GOLGA8K: variants seen among roughly 807,000 people sequenced by gnomAD.
GOLGA8K encodes the protein golgin subfamily A member 8K.
In GOLGA8K, 12 loss-of-function variants were observed where a neutral mutation model predicts 75.2. The observed-to-expected ratio is 0.16, with a 90% CI of 0.10 to 0.26. The LOEUF (loss-of-function observed/expected upper bound fraction) is 0.26, where lower values mean the gene tolerates loss of function less well. Among genes scored for constraint, GOLGA8K ranks in the 10% least tolerant of loss-of-function variants. The pLI is 1.00. For missense variants in GOLGA8K, 109 were observed against 640.8 expected, an observed-to-expected ratio of 0.17 and a Z score of 8.96; for synonymous variants, 48 against 236.6, an observed-to-expected ratio of 0.20 and a Z score of 7.32.
chr15:32,395,028 T>A (rs1405094028), intron 13 of GOLGA8K, among the ~76,000 whole-genome samples: 1 of 149,314 alleles, frequency 6.7e-6, no homozygotes, highest in African/African-American at 2.4e-5. Context: ...ACTCTGAGCC[T>A]CTTGGCTCTT....
chr15:32,397,355 T>A (rs1346615168), intron 9 of GOLGA8K, 45 bp from the exon 10 acceptor site: 1 of 1,380,756 alleles, frequency 7.2e-7, no homozygotes, highest in Non-Finnish European at 1.0e-6. Context: ...TCACTGGTCC[T>A]CACCTGCTCC....
At position 32,397,313 on chromosome 15, in the gene GOLGA8K, G is replaced by A. The variant is rs1272494463; in HGVS notation, c.679-3C>T. ...ACTTGTTGAAAAGACTCCTTCAACT[G>A]CAAGAATGGGCACAGAACTTAGGAA... On this transcript the variant is annotated splice_polypyrimidine_tract_variant and splice_region_variant and intron_variant, in intron 9 of 18. Coordinates refer to ENST00000512626, the MANE Select transcript of GOLGA8K (RefSeq NM_001282493.2). 3 of 1,574,412 alleles carry A rather than the reference G, an allele frequency of 1.9e-6. No individual in the cohort carries two copies. Among genetic ancestry groups the A allele is most frequent in the Middle Eastern group, 1.9e-4 (1 of 5,170 alleles).
intron 13 of GOLGA8K, among the ~76,000 whole-genome samples, chr15:32,395,568 T>C (rs1434601057): frequency 6.8e-6 from 1 of 148,012 alleles, no homozygotes; most frequent in Non-Finnish European, 1.5e-5. Flanking sequence ...TTTTTGTAAT[T>C]TTAGTAGAGA....
chr15:32,398,089 C>A (rs1347933708), intron 8 of GOLGA8K, among the ~76,000 whole-genome samples: 1 of 151,946 alleles, frequency 6.6e-6, no homozygotes, highest in Admixed American at 6.6e-5. Flanking sequence ...AAGTATCTCC[C>A]AGCCATCTTG....
rs148653429 is a variant in GOLGA8K at position 32,392,871 on chromosome 15, C to T, written c.1804G>A (p.Val602Met). ...LLDKPTAQPI[V>M]QDHKEHPGLG... is the part of the protein sequence containing the mutation. ...CCTGGGTGCTCCTTGTGGTCCTGCACGATCGGCTGTGCAGTAGGCTTGTCA... is the reference window on the plus strand; with the variant it reads ...CCTGGGTGCTCCTTGTGGTCCTGCATGATCGGCTGTGCAGTAGGCTTGTCA... Residue 602 changes from valine to methionine, a missense_variant, in exon 19 of 19, where the codon GTG (valine) becomes ATG (methionine). Physicochemically the swap from Val to Met is conservative, Grantham distance 21. Coordinates refer to ENST00000512626, the MANE Select transcript of GOLGA8K (RefSeq NM_001282493.2). 0.04 allele frequency: 52,292 copies of T among 1,304,998 alleles called. 14,139 individuals carry two copies. Among genetic ancestry groups the T allele is most frequent in the Non-Finnish European group, 0.049 (47,090 of 964,364 alleles). The allele number at this position is 1,304,998 out of a possible 1,614,324, so 80.8% of individuals were successfully genotyped here. A position where few individuals can be genotyped will look rare whatever the true frequency, so the allele number is the denominator to read the frequency against.
At chr15:32,394,913 C>T (rs71238789) in intron 13 of GOLGA8K, among the ~76,000 whole-genome samples, 173 bp from the exon 14 acceptor site, 36,981 of 121,750 alleles carry the variant, frequency 0.3, 5,281 homozygotes, top group East Asian at 0.42. Context: ...GCTGGGTCTG[C>T]TGCAGTCACT....
Position 32,391,571 on chromosome 15 carries a change from T to C in GOLGA8K, c.*1211A>G, listed in dbSNP as rs1372618349. Among the ~76,000 whole-genome samples the C allele has an allele frequency of 1.1e-5, 1 of 94,598 alleles. No homozygotes were observed. Among genetic ancestry groups the C allele is most frequent in the South Asian group, 4.8e-4 (1 of 2,064 alleles). 62.1% of individuals were successfully genotyped at this position (94,598 alleles called of 152,430 possible). On this transcript the variant is annotated 3_prime_UTR_variant, in exon 19 of 19. Transcript: ENST00000512626. ...TCAAGGAAAAAGAAGTAAATTCCTA[T>C]GTCAGAGTAACCAAGGTGGTTGAAG... is the stretch of plus-strand genomic sequence containing the variant.
In GOLGA8K at chr15:32,394,229, G is replaced by A. The variant is rs764457535; in HGVS notation, c.1281C>T (p.His427=). Residue 427 remains histidine, a synonymous_variant, in exon 15 of 19, where the codon CAC becomes CAT. Transcript: ENST00000512626. The part of the protein sequence containing the change: ...LSLMALPGEG[H]GEHLDSEGEE... ...CCCCCTCACTGTCCAGATGTTCTCC[G>A]TGTCCTGTGGGGGGTGGCCAGAGGG... 42 of 1,533,720 alleles carry A rather than the reference G, an allele frequency of 2.7e-5. 2 individuals are homozygous for A. In the Middle Eastern group the frequency reaches 1.1e-3, roughly 39 times the overall value.
chr15:32,394,995 T>G (rs1200208632), intron 13 of GOLGA8K, among the ~76,000 whole-genome samples: 7 of 149,954 alleles, frequency 4.7e-5, no homozygotes, highest in African/African-American at 1.7e-4. Context: ...GTGACCCAGG[T>G]AATGGTCTGG....
intron 13 of GOLGA8K, among the ~76,000 whole-genome samples, chr15:32,395,490 G>T (rs1197094367): frequency 2.7e-4 from 39 of 142,188 alleles, no homozygotes; most frequent in Non-Finnish European, 5.5e-4. Flanking sequence ...AGCAATTCTC[G>T]TGCCTCAGCC....
intron 8 of GOLGA8K, among the ~76,000 whole-genome samples, chr15:32,398,124 AC>A (rs1381378351): frequency 6.6e-6 from 1 of 150,848 alleles, no homozygotes; most frequent in Non-Finnish European, 1.5e-5. Flanking sequence ...TTTTTTATGA[AC>A]CCTTGCAGAC....
rs200492776 is a variant in GOLGA8K at position 32,396,013 on chromosome 15, C to T, written c.1150G>A (p.Ala384Thr). The T allele has an allele frequency of 0.027, 36,431 of 1,371,412 alleles. 1,629 individuals carry two copies. Among genetic ancestry groups the T allele is most frequent in the African/African-American group, 0.13 (8,149 of 61,032 alleles). 85.0% of individuals were successfully genotyped at this position (1,371,412 alleles called of 1,614,324 possible). ...TTTACTTGCTGCTCCAACTGCAGTG[C>T]GTTCTTGTTCTCATTGTTCTGGACA... ...FEEPNNENKN[A>T]LQLEQQVKEL... is the part of the protein sequence containing the mutation. The change falls in exon 13 of 19, where the codon GCA becomes ACA. Residue 384 changes from alanine (A) to threonine (T), a missense_variant. Physicochemically the swap from Ala to Thr is moderately conservative, Grantham distance 58. Coordinates refer to ENST00000512626, the MANE Select transcript of GOLGA8K (RefSeq NM_001282493.2).
intron 13 of GOLGA8K, among the ~76,000 whole-genome samples, chr15:32,395,591 A>T: frequency 6.9e-6 from 1 of 145,082 alleles, no homozygotes; most frequent in Non-Finnish European, 1.5e-5. Flanking sequence ...AGGTTTTACC[A>T]CATTGGCCAG....
At position 32,397,280 on chromosome 15, in the gene GOLGA8K, C is replaced by G; in HGVS notation, c.709G>C (p.Glu237Gln). Residue 237 changes from glutamate to glutamine, a missense_variant, in exon 10 of 19, where the codon GAA becomes CAA. Physicochemically the swap from Glu to Gln is conservative, Grantham distance 29. Transcript: ENST00000512626. ...LKESFQQVQL[E>Q]RDEYSEHLKG... ...AGATGTTCAGAATACTCATCTCTTTCTAATTGGACTTGTTGAAAAGACTCC... is the reference window on the plus strand; with the variant it reads ...AGATGTTCAGAATACTCATCTCTTTGTAATTGGACTTGTTGAAAAGACTCC... 1 of 1,575,220 alleles carries G rather than the reference C, an allele frequency of 6.3e-7. No individual in the cohort carries two copies. The highest frequency in any genetic ancestry group is 8.7e-7 in the Non-Finnish European group (1 of 1,155,268).
chr15:32,398,306 A>T (rs1452019258), intron 8 of GOLGA8K, among the ~76,000 whole-genome samples: 1 of 147,672 alleles, frequency 6.8e-6, no homozygotes, highest in Non-Finnish European at 1.5e-5. Context: ...CCAAGACCAC[A>T]GACAGGTAAG....
rs749779516 is a variant in GOLGA8K, at chr15:32,395,965, C to G, written c.1198G>C (p.Glu400Gln). 1 of 1,224,952 alleles carries G rather than the reference C, an allele frequency of 8.2e-7. No individual in the cohort carries two copies. Among genetic ancestry groups the G allele is most frequent in the African/African-American group, 1.5e-5 (1 of 64,974 alleles). 75.9% of individuals were successfully genotyped at this position (1,224,952 alleles called of 1,614,324 possible). The change falls in exon 13 of 19, where the codon GAG (glutamate) becomes CAG (glutamine). Residue 400 changes from glutamate (E) to glutamine (Q), a missense_variant and splice_region_variant. By Grantham distance (29) the Glu-to-Gln change is conservative (BLOSUM62 2). Coordinates refer to ENST00000512626, the MANE Select transcript of GOLGA8K (RefSeq NM_001282493.2). Reference protein sequence around the residue: ...QVKELQEKLGEEHLEAASQQN... With the variant: ...QVKELQEKLGQEHLEAASQQN... ...GTGGAGGTTTCCGTCTCCTTCACCT[C>G]GCCAAGCTTCTCCTGTAGCTCCTTT...
intron 13 of GOLGA8K, among the ~76,000 whole-genome samples, chr15:32,394,961 A>G (rs181586557): frequency 0.028 from 3,922 of 141,744 alleles, 11 homozygotes; most frequent in South Asian, 0.064. Flanking sequence ...TCAGCTGCTG[A>G]TAGGTGGCCA....
Position 32,395,543 on chromosome 15 carries a change from C to G in GOLGA8K, c.1200+420G>C, listed in dbSNP as rs2054599335. 4.4e-5 allele frequency among the ~76,000 whole-genome samples: 6 copies of G among 137,028 alleles called. No individual in the cohort carries two copies. The South Asian group carries it at 1.4e-3, about 33-fold the overall frequency. The allele number at this position is 137,028 out of a possible 152,430, so 89.9% of individuals were successfully genotyped here. A position where few individuals can be genotyped will look rare whatever the true frequency, so the allele number is the denominator to read the frequency against. On this transcript the variant is annotated intron_variant, in intron 13 of 18. Transcript: ENST00000512626. The stretch of plus-strand genomic sequence containing the variant: ...TACAGGCATGCGCCACAATGTCCTG[C>G]TAATTTTTTTTTTTTTTTTGTAATT...
At chr15:32,394,297 C>T in intron 14 of GOLGA8K, 64 bp from the exon 15 acceptor site, 1 of 653,332 alleles carries the variant, frequency 1.5e-6, no homozygotes, top group Non-Finnish European at 2.7e-6. Flanking sequence ...GGGCCCACCT[C>T]TACCTCCACC....
Sources: gnomAD v4.1 joint callset for allele counts (sites outside exome capture counted in the v4.1 genomes callset) on GRCh38, gnomAD v4.1.1 for gene constraint, MANE v1.5 for transcripts, NCBI Gene and HGNC (gene_info 2026-07-23, HGNC 2026-07-21) for gene names.